PRKN: variants seen among roughly 807,000 people sequenced by gnomAD.
The protein encoded by PRKN is E3 ubiquitin-protein ligase parkin.
In PRKN, 56 loss-of-function variants were observed where a neutral mutation model predicts 59.5. That is an observed-to-expected ratio of 0.94 (90% CI 0.76 to 1.18). The LOEUF is 1.18. Ranked by LOEUF, PRKN falls within the 50% of genes most tolerant of loss-of-function variation. The probability of loss-of-function intolerance (pLI) is 0.00; values close to 1 mark genes in which losing one functional copy is unlikely to be tolerated. For missense variants in PRKN, 657 were observed against 596.4 expected, an observed-to-expected ratio of 1.10 and a Z score of -1.06; for synonymous variants, 250 against 222.1, an observed-to-expected ratio of 1.13 and a Z score of -1.12.
intron 9 of PRKN, among the ~76,000 whole-genome samples, chr6:161,485,860 T>C (rs1398309778): frequency 6.6e-6 from 1 of 152,004 alleles, no homozygotes; most frequent in Non-Finnish European, 1.5e-5. Context: ...TCTTAAAGTA[T>C]AGGAAAATCA....
intron 7 of PRKN, among the ~76,000 whole-genome samples, chr6:161,739,761 T>C (rs748548962): frequency 7.2e-5 from 11 of 152,202 alleles, no homozygotes; most frequent in Non-Finnish European, 1.0e-4. Context: ...TCTTGTTTCT[T>C]TTCTTTTTTT....
chr6:162,141,704 T>C (rs1240455501), intron 4 of PRKN, among the ~76,000 whole-genome samples: 5 of 152,208 alleles, frequency 3.3e-5, no homozygotes, highest in African/African-American at 9.6e-5. Context: ...TACTGCTATA[T>C]AGTATACTTT....
chr6:162,583,015 G>A lies in PRKN; in HGVS notation c.8-139542C>T, dbSNP rs539962729. 2.5e-4 allele frequency among the ~76,000 whole-genome samples: 38 copies of A among 152,268 alleles called. 1 individual carries two copies. In the South Asian group the frequency reaches 4.1e-3, roughly 17 times the overall value. ...GGAGATAGGGCGATAATCCCCAAGC[G>A]GATGGGATTAATACCATTATAAAAG... On this transcript the variant is annotated intron_variant, in intron 1 of 11. Coordinates refer to ENST00000366898, the MANE Select transcript of PRKN (RefSeq NM_004562.3).
rs1024663413 is a variant in PRKN, at chr6:161,497,056, A to T, written c.1083+51798T>A. The stretch of plus-strand genomic sequence containing the variant: ...AGGAGCAAATACATCAAGGCAGAAA[A>T]CCCGTCACAAACCTGCTGGCATGCC... On this transcript the variant is annotated intron_variant, in intron 9 of 11. Coordinates refer to ENST00000366898, the MANE Select transcript of PRKN (RefSeq NM_004562.3). This position sits in a 1 kb window ranked among gnomAD's most constrained non-coding sequence, Gnocchi z 4.6. Among the ~76,000 whole-genome samples the T allele has an allele frequency of 6.6e-6, 1 of 151,998 alleles. No homozygotes were observed. The highest frequency in any genetic ancestry group is 2.4e-5 in the African/African-American group (1 of 41,374).
chr6:162,589,595 A>G (rs963616189), intron 1 of PRKN, among the ~76,000 whole-genome samples: 1 of 152,138 alleles, frequency 6.6e-6, no homozygotes, highest in African/African-American at 2.4e-5. Context: ...ATTATTTGCA[A>G]CGCATTCAAA....
At chr6:162,665,511 T>A (rs1315937195) in intron 1 of PRKN, among the ~76,000 whole-genome samples, 1 of 151,824 alleles carries the variant, frequency 6.6e-6, no homozygotes. Flanking sequence ...GAACTACAAA[T>A]CACTGCTCAG....
At chr6:161,449,970 C>T (rs1789656256) in intron 9 of PRKN, among the ~76,000 whole-genome samples, 1 of 152,186 alleles carries the variant, frequency 6.6e-6, no homozygotes, top group Non-Finnish European at 1.5e-5. Context: ...CTTTGCTGAT[C>T]CATTACTCAT....
chr6:161,620,633 C>G (rs1319990856), intron 7 of PRKN, among the ~76,000 whole-genome samples: 1 of 152,162 alleles, frequency 6.6e-6, no homozygotes, highest in Non-Finnish European at 1.5e-5. Flanking sequence ...ATCGACATTT[C>G]CTGGACAGGA....
At chr6:161,382,044 A>C (rs1313073015) in intron 10 of PRKN, among the ~76,000 whole-genome samples, 2 of 146,490 alleles carry the variant, frequency 1.4e-5, no homozygotes, top group Non-Finnish European at 3.0e-5. Context: ...CCCGGGAGGC[A>C]GAGCTTGCAG....
chr6:161,457,151 G>T lies in PRKN; in HGVS notation c.1084-70274C>A, dbSNP rs1790006904. ...TTGGAGTCCAGGAGTTCTCCACTCGGTACACCCAGTTTTACCAAAGTTAAA... is the reference window on the plus strand; with the variant it reads ...TTGGAGTCCAGGAGTTCTCCACTCGTTACACCCAGTTTTACCAAAGTTAAA... On this transcript the variant is annotated intron_variant, in intron 9 of 11. Transcript: ENST00000366898. This position sits in a 1 kb window ranked among gnomAD's most constrained non-coding sequence, Gnocchi z 5.0. Among the ~76,000 whole-genome samples, 1 of 152,170 alleles carries T rather than the reference G, an allele frequency of 6.6e-6. No individual in the cohort carries two copies. The highest frequency in any genetic ancestry group is 2.4e-5 in the African/African-American group (1 of 41,436).
At chr6:162,709,718 C>T (rs189150117) in intron 1 of PRKN, among the ~76,000 whole-genome samples, 28 of 152,220 alleles carry the variant, frequency 1.8e-4, no homozygotes, top group South Asian at 6.2e-4. Flanking sequence ...GTATGAGAAA[C>T]GATACACATA....
intron 4 of PRKN, among the ~76,000 whole-genome samples, chr6:162,154,579 C>T (rs1467263929): frequency 6.6e-6 from 1 of 151,744 alleles, no homozygotes; most frequent in Non-Finnish European, 1.5e-5. Context: ...TGGCACTTGC[C>T]CAGGTCTGGT....
intron 9 of PRKN, among the ~76,000 whole-genome samples, chr6:161,421,588 C>T (rs925429036): frequency 2.6e-5 from 4 of 152,056 alleles, no homozygotes; most frequent in African/African-American, 7.2e-5. Context: ...GAGGGGACTC[C>T]GGAGATCACA....
intron 5 of PRKN, among the ~76,000 whole-genome samples, chr6:162,045,745 T>G: frequency 6.6e-6 from 1 of 152,330 alleles, no homozygotes; most frequent in South Asian, 2.1e-4. Flanking sequence ...ATCAATCACC[T>G]GCTGGAAGGA....
At chr6:162,579,609 A>C (rs1051109312) in intron 1 of PRKN, among the ~76,000 whole-genome samples, 2 of 150,762 alleles carry the variant, frequency 1.3e-5, no homozygotes, top group Non-Finnish European at 3.0e-5. Flanking sequence ...AGATTCACAC[A>C]CACAGATACA....
chr6:161,621,691 C>T (rs1405283448), intron 7 of PRKN, among the ~76,000 whole-genome samples: 1 of 152,096 alleles, frequency 6.6e-6, no homozygotes, highest in Non-Finnish European at 1.5e-5. Flanking sequence ...ATTCCTTAAT[C>T]CAGTCAAGTC....
intron 7 of PRKN, among the ~76,000 whole-genome samples, chr6:161,605,099 A>G (rs978249504): frequency 3.9e-5 from 6 of 152,178 alleles, no homozygotes; most frequent in Non-Finnish European, 8.8e-5. Context: ...TTTTAGAGAA[A>G]CATATTTGAG....
chr6:162,709,865 G>A (rs1778464693), intron 1 of PRKN, among the ~76,000 whole-genome samples: 1 of 148,236 alleles, frequency 6.7e-6, no homozygotes, highest in Admixed American at 6.7e-5. Context: ...TGGAATCTGA[G>A]AGCGAATGCT....
At chr6:162,473,109 A>C (rs1791837837) in intron 1 of PRKN, among the ~76,000 whole-genome samples, 1 of 151,950 alleles carries the variant, frequency 6.6e-6, no homozygotes, top group African/African-American at 2.4e-5. Context: ...GGAAGTCCTA[A>C]CTTGTACAAG....
Sources: gnomAD v4.1 joint callset for allele counts (sites outside exome capture counted in the v4.1 genomes callset) on GRCh38, gnomAD v4.1.1 for gene constraint, Gnocchi (gnomAD v3.1) non-coding constraint, MANE v1.5 for transcripts, NCBI Gene and HGNC (gene_info 2026-07-23, HGNC 2026-07-21) for gene names.